CPEB4: variants seen among roughly 807,000 people sequenced by gnomAD.
CPEB4 encodes the protein cytoplasmic polyadenylation element binding protein 4.
CPEB4 carries 12 observed loss-of-function variants against 72.5 expected under a neutral mutation model. The observed-to-expected ratio is 0.17, with a 90% CI of 0.11 to 0.27. The LOEUF is 0.27. Ranked by LOEUF, CPEB4 falls within the 10% of genes least tolerant of loss-of-function variation. The probability of loss-of-function intolerance (pLI) is 1.00; values close to 1 mark genes in which losing one functional copy is unlikely to be tolerated. For missense variants in CPEB4, 614 were observed against 908.5 expected, an observed-to-expected ratio of 0.68 and a Z score of 4.17; for synonymous variants, 302 against 326.3, an observed-to-expected ratio of 0.93 and a Z score of 0.80.
intron 2 of CPEB4, among the ~76,000 whole-genome samples, chr5:173,920,410 ATC>A (rs1757030203): frequency 6.6e-6 from 1 of 152,220 alleles, no homozygotes; most frequent in African/African-American, 2.4e-5. Context: ...ACTTTTAAAA[ATC>A]TAACTTCTGC....
chr5:173,944,495 T>C (rs1296004233), intron 4 of CPEB4, among the ~76,000 whole-genome samples: 4 of 147,868 alleles, frequency 2.7e-5, no homozygotes, highest in Middle Eastern at 6.9e-3. Flanking sequence ...AAAAAAAAAA[T>C]TGACTTGTTC....
chr5:173,947,219 G>A (rs1427133943), intron 5 of CPEB4, among the ~76,000 whole-genome samples: 3 of 152,150 alleles, frequency 2.0e-5, no homozygotes, highest in Non-Finnish European at 4.4e-5. Context: ...GTGTCCAAAT[G>A]TATAATGTAG....
Position 173,950,011 on chromosome 5 carries a change from A to G in CPEB4, c.1598A>G (p.Asp533Gly). 6.2e-7 allele frequency: 1 copy of G among 1,612,374 alleles called. No individual in the cohort carries two copies. The highest frequency in any genetic ancestry group is 8.5e-7 in the Non-Finnish European group (1 of 1,179,308). The part of the protein sequence containing the change: ...QDESSVQALI[D>G]ACIEEDGKLY... ...GAAAGCTCTGTGCAGGCTCTCATTG[A>G]TGCATGCATTGAAGAAGATGGAAAA... is the stretch of plus-strand genomic sequence containing the variant. Residue 533 changes from aspartate to glycine, a missense_variant, in exon 7 of 10, where the codon GAT becomes GGT. Transcript: ENST00000265085. This position sits in a 1 kb window ranked among gnomAD's most constrained non-coding sequence, Gnocchi z 5.0.
intron 1 of CPEB4, among the ~76,000 whole-genome samples, chr5:173,901,822 A>G (rs748899424): frequency 6.6e-6 from 1 of 152,226 alleles, no homozygotes; most frequent in Non-Finnish European, 1.5e-5. Context: ...GCCACTTTCT[A>G]TATCAGTGGC....
chr5:173,906,543 G>A (rs1187099553), intron 1 of CPEB4, among the ~76,000 whole-genome samples: 1 of 152,150 alleles, frequency 6.6e-6, no homozygotes, highest in Non-Finnish European at 1.5e-5. Flanking sequence ...ACTAGGTTTG[G>A]CAAGAATGAA....
intron 2 of CPEB4, among the ~76,000 whole-genome samples, chr5:173,926,423 T>G (rs768078695): frequency 9.9e-5 from 15 of 152,218 alleles, no homozygotes; most frequent in Non-Finnish European, 1.8e-4. Context: ...AGTCTGTTGG[T>G]AAATATTGGT....
At chr5:173,906,418 T>C (rs1756437871) in intron 1 of CPEB4, among the ~76,000 whole-genome samples, 1 of 152,264 alleles carries the variant, frequency 6.6e-6, no homozygotes, top group African/African-American at 2.4e-5. Context: ...GAATGTTTAC[T>C]TGACAAAATA....
At position 173,961,177 on chromosome 5, in the gene CPEB4, C is replaced by G. The variant is rs1758539446; in HGVS notation, c.*5040C>G. 6.6e-6 allele frequency: 1 copy of G among 152,184 alleles called. No homozygotes were observed. Among genetic ancestry groups the G allele is most frequent in the African/African-American group, 2.4e-5 (1 of 41,438 alleles). 9.4% of individuals were successfully genotyped at this position (152,184 alleles called of 1,614,324 possible). ...GGGCAGGCTGGACAGCTTCCCCTTT[C>G]TCTCATCTGGCAATTCCCAAACCTT... On this transcript the variant is annotated 3_prime_UTR_variant, in exon 10 of 10. Coordinates refer to ENST00000265085, the MANE Select transcript of CPEB4 (RefSeq NM_030627.4).
At chr5:173,930,109 C>T (rs1757391248) in intron 2 of CPEB4, among the ~76,000 whole-genome samples, 1 of 150,948 alleles carries the variant, frequency 6.6e-6, no homozygotes, top group South Asian at 2.1e-4. Flanking sequence ...GGCTGGAGAG[C>T]AGTGGCGAGA....
intron 2 of CPEB4, among the ~76,000 whole-genome samples, chr5:173,921,231 G>A (rs1757062423): frequency 1.3e-5 from 2 of 152,140 alleles, no homozygotes; most frequent in African/African-American, 2.4e-5. Flanking sequence ...TAGAGACAGG[G>A]GTAGGAGTCT....
intron 2 of CPEB4, among the ~76,000 whole-genome samples, chr5:173,922,529 C>T (rs1193485113): frequency 2.0e-5 from 3 of 152,152 alleles, no homozygotes; most frequent in Non-Finnish European, 2.9e-5. Flanking sequence ...TCATGCCTGG[C>T]CAAGATTTCT....
At chr5:173,912,512 C>A (rs1411166861) in intron 2 of CPEB4, among the ~76,000 whole-genome samples, 1 of 151,924 alleles carries the variant, frequency 6.6e-6, no homozygotes, top group Non-Finnish European at 1.5e-5. Flanking sequence ...GGGAGAATCA[C>A]TTGAGCCCAG....
chr5:173,918,377 A>G (rs1756954429), intron 2 of CPEB4: 2 of 152,164 alleles, frequency 1.3e-5, no homozygotes, highest in Admixed American at 1.3e-4. Context: ...TTTGATCCGG[A>G]TTTGTTGGAT....
intron 1 of CPEB4, among the ~76,000 whole-genome samples, chr5:173,894,784 A>G (rs953284549): frequency 8.5e-5 from 13 of 152,278 alleles, no homozygotes; most frequent in African/African-American, 3.1e-4. Flanking sequence ...GCCTCTTCAC[A>G]TAATGATAAT....
At chr5:173,924,644 C>G (rs1466520291) in intron 2 of CPEB4, among the ~76,000 whole-genome samples, 2 of 152,206 alleles carry the variant, frequency 1.3e-5, no homozygotes, top group Non-Finnish European at 2.9e-5. Context: ...AAGACTGTCT[C>G]ACAACAGCTC....
Position 173,888,575 on chromosome 5 carries a change from A to G in CPEB4, c.-1159A>G. On this transcript the variant is annotated 5_prime_UTR_variant, in exon 1 of 10. Transcript: ENST00000265085. The surrounding 1 kb of genome is among the most constrained non-coding windows in gnomAD (Gnocchi z 4.3). ...GACGGCCCAGCAACCGTGAGGAGAA[A>G]CAAAAGCCTTCTAAATTATAGTTTA... 1 of 402,856 alleles carries G rather than the reference A, an allele frequency of 2.5e-6. No individual in the cohort carries two copies. Among genetic ancestry groups the G allele is most frequent in the Non-Finnish European group, 4.4e-6 (1 of 228,848 alleles). The allele number at this position is 402,856 out of a possible 1,614,324, so 25.0% of individuals were successfully genotyped here. A position where few individuals can be genotyped will look rare whatever the true frequency, so the allele number is the denominator to read the frequency against.
chr5:173,951,075 TC>T (rs1421088373), intron 7 of CPEB4, among the ~76,000 whole-genome samples: 1 of 152,154 alleles, frequency 6.6e-6, no homozygotes, highest in African/African-American at 2.4e-5. Flanking sequence ...TTCGAAGAGT[TC>T]CTGTGGTCTG....
rs1306399069 is a variant in CPEB4, at chr5:173,958,468, T to C, written c.*2331T>C. 6.6e-6 allele frequency: 1 copy of C among 152,402 alleles called. No homozygotes were observed. The highest frequency in any genetic ancestry group is 1.5e-5 in the Non-Finnish European group (1 of 67,990). The allele number at this position is 152,402 out of a possible 1,614,324, so 9.4% of individuals were successfully genotyped here. On this transcript the variant is annotated 3_prime_UTR_variant, in exon 10 of 10. Transcript: ENST00000265085. ...TTTAATAAATTTTATTTTCTTATAT[T>C]CTGCTTTTTATACATTTCAGTGCTC...
rs1319868893 is a variant in CPEB4, at chr5:173,890,651, T to C, written c.918T>C (p.Tyr306=). ...SSSWSPGGGG[Y]GGWGGSQGRD... ...CCTGGAGCCCGGGCGGTGGTGGATA[T>C]GGTGGCTGGGGAGGTTCCCAAGGCC... The change falls in exon 1 of 10, where the codon TAT becomes TAC. Residue 306 remains tyrosine, a synonymous_variant. Coordinates refer to ENST00000265085, the MANE Select transcript of CPEB4 (RefSeq NM_030627.4). 6.2e-7 allele frequency: 1 copy of C among 1,614,108 alleles called. No individual in the cohort carries two copies. Among genetic ancestry groups the C allele is most frequent in the Non-Finnish European group, 8.5e-7 (1 of 1,179,994 alleles).
Sources: allele counts gnomAD v4.1 joint callset (sites outside exome capture counted in the v4.1 genomes callset), GRCh38; gene constraint gnomAD v4.1.1; non-coding constraint Gnocchi (gnomAD v3.1); transcripts MANE v1.5; gene names NCBI Gene and HGNC (gene_info 2026-07-23, HGNC 2026-07-21).